Variants in GRIA3 observed in about 807,000 individuals in gnomAD.
GRIA3 encodes the protein glutamate ionotropic receptor AMPA type subunit 3.
A neutral mutation model predicts 63.0 loss-of-function variants in GRIA3; 3 were observed. The observed-to-expected ratio is 0.05, with a 90% confidence interval of 0.02 to 0.12. GRIA3 has a LOEUF of 0.12. Ranked by LOEUF, GRIA3 falls within the 10% of genes least tolerant of loss-of-function variation. The pLI, the probability that GRIA3 is intolerant of heterozygous loss-of-function variation, is 1.00. For synonymous variants in GRIA3, 274 were observed against 257.9 expected (o/e 1.06, Z -0.60); for missense variants, 347 against 700.9 (o/e 0.50, Z 5.70).
intron 3 of GRIA3, among the ~76,000 whole-genome samples, chrX:123,273,555 A>G (rs1388317318): frequency 8.9e-6 from 1 of 112,135 alleles, no homozygotes; most frequent in Non-Finnish European, 1.9e-5. Flanking sequence ...TCTTTTCATT[A>G]TACAAGGCTG....
intron 5 of GRIA3, among the ~76,000 whole-genome samples, chrX:123,370,767 T>C (rs1318580304): frequency 1.2e-5 from 1 of 85,508 alleles, no homozygotes; most frequent in Non-Finnish European, 2.8e-5. Flanking sequence ...TGCATATGTG[T>C]ATATATATAT....
intron 10 of GRIA3, among the ~76,000 whole-genome samples, chrX:123,411,617 G>C (rs920415122): frequency 6.3e-5 from 7 of 111,008 alleles, no homozygotes; most frequent in Non-Finnish European, 1.1e-4. Context: ...ATCCCCTCAA[G>C]CTAAATCCTC....
chrX:123,308,985 C>G (rs1482041559), intron 3 of GRIA3, among the ~76,000 whole-genome samples: 1 of 112,465 alleles, frequency 8.9e-6, no homozygotes, highest in Non-Finnish European at 1.9e-5. Flanking sequence ...GCAATGACCC[C>G]CTTGAAGAGG....
intron 3 of GRIA3, among the ~76,000 whole-genome samples, chrX:123,259,110 A>G (rs2147286246): frequency 8.9e-6 from 1 of 112,350 alleles, no homozygotes; most frequent in Admixed American, 9.4e-5. Flanking sequence ...TCATTAGAGC[A>G]AGAACCCTGT....
At chrX:123,304,490 T>A (rs757340597) in intron 3 of GRIA3, among the ~76,000 whole-genome samples, 9 of 111,879 alleles carry the variant, frequency 8.0e-5, no homozygotes, top group Non-Finnish European at 1.3e-4. Context: ...TCTAGCAGAG[T>A]CTACCTCAGT....
At chrX:123,463,748 AAAAAG>A (rs2045817755) in intron 12 of GRIA3, among the ~76,000 whole-genome samples, 3 of 102,005 alleles carry the variant, frequency 2.9e-5, no homozygotes, top group African/African-American at 1.3e-4. Flanking sequence ...AGAAAGAAAG[AAAAAG>A]AGAGAAAGAA....
At chrX:123,289,427 A>AAT (rs1299468442) in intron 3 of GRIA3, among the ~76,000 whole-genome samples, 67 of 101,647 alleles carry the variant, frequency 6.6e-4, no homozygotes, top group Non-Finnish European at 8.6e-4. Flanking sequence ...ATTTAAAAAA[A>AAT]ATATATATAT....
intron 11 of GRIA3, among the ~76,000 whole-genome samples, chrX:123,418,828 G>T (rs1203010816): frequency 2.7e-5 from 3 of 112,141 alleles, no homozygotes; most frequent in Non-Finnish European, 5.6e-5. Context: ...CAGCCACATT[G>T]GAAAATAGCT....
intron 5 of GRIA3, chrX:123,361,115 A>T (rs1403053575): frequency 3.6e-5 from 4 of 111,115 alleles, no homozygotes; most frequent in Non-Finnish European, 7.5e-5. Flanking sequence ...GCAGCTCACC[A>T]GATCTCAGAA....
intron 13 of GRIA3, among the ~76,000 whole-genome samples, chrX:123,472,717 T>A (rs927052880): frequency 7.2e-5 from 8 of 111,610 alleles, no homozygotes; most frequent in African/African-American, 2.3e-4. Context: ...TGCTCTGTAT[T>A]TGAGAGGTTG....
chrX:123,274,650 A>T (rs1027172351), intron 3 of GRIA3, among the ~76,000 whole-genome samples: 5 of 112,039 alleles, frequency 4.5e-5, no homozygotes, highest in Non-Finnish European at 9.4e-5. Context: ...TCTCTAAGTG[A>T]TCTGGGCCTC....
At chrX:123,241,216 G>A (rs768089189) in intron 2 of GRIA3, among the ~76,000 whole-genome samples, 2 of 111,229 alleles carry the variant, frequency 1.8e-5, no homozygotes, top group South Asian at 3.8e-4. Context: ...AACTGGGAGC[G>A]ACATCTAATA....
rs2045959813 is a variant in GRIA3 at position 123,489,771 on chromosome X, G to A, written c.*1061G>A. 1 of 112,325 alleles carries A rather than the reference G, an allele frequency of 8.9e-6. No homozygotes were observed. The highest frequency in any genetic ancestry group is 1.9e-5 in the Non-Finnish European group (1 of 53,185). The allele number at this position is 112,325 out of a possible 1,213,427, so 9.3% of individuals were successfully genotyped here. The stretch of plus-strand genomic sequence containing the variant: ...GAGACAGGACCGCGTTGCAAGGCGG[G>A]ACAGCAGGTTCAGACCACAGTTCTC... On this transcript the variant is annotated 3_prime_UTR_variant, in exon 16 of 16. Coordinates refer to ENST00000620443, the MANE Select transcript of GRIA3 (RefSeq NM_007325.5).
At chrX:123,396,284 A>G (rs1223980008) in intron 6 of GRIA3, among the ~76,000 whole-genome samples, 1 of 109,448 alleles carries the variant, frequency 9.1e-6, no homozygotes, top group Non-Finnish European at 1.9e-5. Flanking sequence ...AAAGATATAG[A>G]GATACATTCT....
intron 3 of GRIA3, among the ~76,000 whole-genome samples, chrX:123,262,046 TG>T (rs1302509774): frequency 8.9e-6 from 1 of 111,833 alleles, no homozygotes; most frequent in African/African-American, 3.3e-5. Context: ...ATTCAGGGTT[TG>T]GGCCTGAAAC....
intron 2 of GRIA3, among the ~76,000 whole-genome samples, chrX:123,199,927 T>C (rs189120185): frequency 9.0e-6 from 1 of 111,651 alleles, no homozygotes; most frequent in African/African-American, 3.3e-5. Context: ...TTAATCTAAT[T>C]ACCTCATTTT....
chrX:123,312,609 G>A (rs2044802598), intron 3 of GRIA3, among the ~76,000 whole-genome samples: 1 of 111,261 alleles, frequency 9.0e-6, no homozygotes, highest in Non-Finnish European at 1.9e-5. Flanking sequence ...TGAGGAGGAA[G>A]ATATGCTTTA....
intron 2 of GRIA3, among the ~76,000 whole-genome samples, chrX:123,206,119 G>C (rs1362093168): frequency 9.8e-5 from 11 of 111,691 alleles, no homozygotes. Context: ...TAAGAAGCAT[G>C]GCAAATTATT....
chrX:123,482,546 G>C (rs1351537695), intron 14 of GRIA3, among the ~76,000 whole-genome samples: 1 of 111,766 alleles, frequency 8.9e-6, no homozygotes, highest in Non-Finnish European at 1.9e-5. Context: ...ACACCATTTT[G>C]AGGCACTAAG....
Sources: allele counts gnomAD v4.1 joint callset (sites outside exome capture counted in the v4.1 genomes callset), GRCh38; gene constraint gnomAD v4.1.1; transcripts MANE v1.5; gene names NCBI Gene and HGNC (gene_info 2026-07-23, HGNC 2026-07-21).